The following ARL15 variants were observed in gnomAD, a reference collection of about 807,000 sequenced individuals.
ARL15 encodes the protein ARF like GTPase 15, also known as ADP-ribosylation factor-like protein 15.
A neutral mutation model predicts 25.2 loss-of-function variants in ARL15; 19 were observed. The ratio of observed to expected loss-of-function variants is 0.75; its 90% CI spans 0.53 to 1.10. The LOEUF (loss-of-function observed/expected upper bound fraction) is 1.10, where lower values mean the gene tolerates loss of function less well. Ranked by LOEUF, ARL15 falls within the 50% of genes least tolerant of loss-of-function variation. The pLI is 0.00. For missense variants in ARL15, 220 were observed against 246.0 expected (o/e 0.89, Z 0.71); for synonymous variants, 94 against 86.8 (o/e 1.08, Z -0.46).
chr5:54,231,139 T>C (rs757888945), intron 1 of ARL15, among the ~76,000 whole-genome samples: 8 of 150,904 alleles, frequency 5.3e-5, no homozygotes, highest in Non-Finnish European at 1.0e-4. Context: ...CACATTAAAC[T>C]CATCATGATG....
At position 54,087,983 on chromosome 5, in the gene ARL15, A is replaced by C. The variant is rs188237181; in HGVS notation, c.462+25219T>G. Among the ~76,000 whole-genome samples the C allele has an allele frequency of 3.1e-3, 477 of 152,310 alleles. 2 individuals are homozygous for C. Among genetic ancestry groups the C allele is most frequent in the African/African-American group, 0.011 (458 of 41,564 alleles). On this transcript the variant is annotated intron_variant, in intron 4 of 4. Transcript: ENST00000504924. ...GAGCCACTGTGCCCAGTCGGCTCCA[A>C]ATATTAATAAGCATAACCAGGGTAC...
intron 4 of ARL15, among the ~76,000 whole-genome samples, chr5:54,085,642 C>T (rs1751941139): frequency 6.6e-6 from 1 of 152,068 alleles, no homozygotes. Context: ...TTTTAAATTC[C>T]CTTCAGCTAT....
chr5:54,111,825 TTACA>T (rs575604178), intron 4 of ARL15, among the ~76,000 whole-genome samples: 59 of 152,114 alleles, frequency 3.9e-4, no homozygotes, highest in Non-Finnish European at 6.3e-4. Flanking sequence ...CTACCCTTCA[TTACA>T]TACTATTATA....
intron 1 of ARL15, among the ~76,000 whole-genome samples, chr5:54,270,270 T>C (rs1376232755): frequency 2.0e-5 from 3 of 152,150 alleles, no homozygotes; most frequent in East Asian, 3.9e-4. Flanking sequence ...ACATCATATT[T>C]TGAGTTTTTC....
chr5:54,012,265 T>C (rs16881988), intron 4 of ARL15, among the ~76,000 whole-genome samples: 1,719 of 152,298 alleles, frequency 0.011, 35 homozygotes, highest in African/African-American at 0.039. Context: ...GCAAATATTG[T>C]AGTCTTCCAG....
At chr5:54,087,647 G>C (rs574729241) in intron 4 of ARL15, among the ~76,000 whole-genome samples, 10 of 141,656 alleles carry the variant, frequency 7.1e-5, no homozygotes, top group Non-Finnish European at 9.4e-5. Context: ...CATGTGACTC[G>C]TTTCCATTGG....
intron 1 of ARL15, among the ~76,000 whole-genome samples, chr5:54,267,274 G>T (rs1183350987): frequency 6.6e-6 from 1 of 152,120 alleles, no homozygotes; most frequent in Non-Finnish European, 1.5e-5. Flanking sequence ...TGTATTTTTA[G>T]TAGAGACGGG....
Position 53,955,379 on chromosome 5 carries a change from C to A in ARL15, c.463-68666G>T, listed in dbSNP as rs143935360. On this transcript the variant is annotated intron_variant, in intron 4 of 4. Transcript: ENST00000504924. Reference sequence around the variant, plus strand: ...AGCATACCTTGTGAGCTTACGGCAGCATTTTACTAGGATTACAACTGAAAT... The same window carrying A: ...AGCATACCTTGTGAGCTTACGGCAGAATTTTACTAGGATTACAACTGAAAT... Among the ~76,000 whole-genome samples the A allele has an allele frequency of 2.4e-3, 368 of 152,234 alleles. 1 individual carries two copies. Among genetic ancestry groups the A allele is most frequent in the African/African-American group, 8.5e-3 (355 of 41,536 alleles).
chr5:54,022,692 G>A (rs1749645388), intron 4 of ARL15, among the ~76,000 whole-genome samples: 1 of 152,270 alleles, frequency 6.6e-6, no homozygotes, highest in South Asian at 2.1e-4. Flanking sequence ...TGCTATTTAA[G>A]CTTCCACCAT....
chr5:53,902,051 A>T (rs151172289), intron 4 of ARL15, among the ~76,000 whole-genome samples: 1 of 152,306 alleles, frequency 6.6e-6, no homozygotes, highest in Non-Finnish European at 1.5e-5. Context: ...TCCCTCTAAG[A>T]CCTTACAAAA....
chr5:53,953,851 T>C (rs915774344), intron 4 of ARL15, among the ~76,000 whole-genome samples: 4 of 152,182 alleles, frequency 2.6e-5, no homozygotes, highest in Non-Finnish European at 5.9e-5. Context: ...AATTATTATG[T>C]AGGAGCCTTA....
chr5:54,198,217 TC>T (rs1561263002), intron 1 of ARL15, among the ~76,000 whole-genome samples: 1 of 152,072 alleles, frequency 6.6e-6, no homozygotes, highest in African/African-American at 2.4e-5. Context: ...CTGGAAGCAT[TC>T]CCTTTGAAAA....
chr5:54,095,658 C>G (rs1294839685), intron 4 of ARL15, among the ~76,000 whole-genome samples: 3 of 152,054 alleles, frequency 2.0e-5, no homozygotes, highest in Admixed American at 6.6e-5. Context: ...CTTTCTCCCC[C>G]CAAGTACTAG....
chr5:53,931,236 CT>C (rs1260494682), intron 4 of ARL15, among the ~76,000 whole-genome samples: 1 of 152,160 alleles, frequency 6.6e-6, no homozygotes, highest in Non-Finnish European at 1.5e-5. Flanking sequence ...ACCAGGGTCG[CT>C]GCTCCTAGCC....
chr5:54,202,479 C>G (rs554804640), intron 1 of ARL15, among the ~76,000 whole-genome samples: 16 of 152,128 alleles, frequency 1.1e-4, no homozygotes, highest in Non-Finnish European at 1.9e-4. Context: ...GGCCAATAGC[C>G]AAGGAATTCA....
chr5:54,103,083 A>G (rs982448688), intron 4 of ARL15, among the ~76,000 whole-genome samples: 2 of 152,192 alleles, frequency 1.3e-5, no homozygotes, highest in Non-Finnish European at 2.9e-5. Context: ...ACTTGAACAT[A>G]TTAAGATATA....
intron 4 of ARL15, among the ~76,000 whole-genome samples, chr5:54,049,193 T>A (rs927366064): frequency 6.6e-6 from 1 of 152,114 alleles, no homozygotes; most frequent in African/African-American, 2.4e-5. Context: ...ATACCTAAGA[T>A]ATGGACATAG....
At chr5:54,079,069 A>G (rs1751706625) in intron 4 of ARL15, among the ~76,000 whole-genome samples, 1 of 152,210 alleles carries the variant, frequency 6.6e-6, no homozygotes, top group African/African-American at 2.4e-5. Context: ...ATTAATAGCA[A>G]GTATTTAAAA....
intron 4 of ARL15, among the ~76,000 whole-genome samples, chr5:53,975,572 T>C (rs1747896174): frequency 6.6e-6 from 1 of 152,230 alleles, no homozygotes; most frequent in Non-Finnish European, 1.5e-5. Context: ...CTGTTCCCTC[T>C]CTTGGCAATA....
Sources: gnomAD v4.1 joint callset for allele counts (sites outside exome capture counted in the v4.1 genomes callset) on GRCh38, gnomAD v4.1.1 for gene constraint, MANE v1.5 for transcripts, NCBI Gene and HGNC (gene_info 2026-07-23, HGNC 2026-07-21) for gene names.